The following NBPF3 variants were observed in gnomAD, a reference collection of about 807,000 sequenced individuals.
The protein encoded by NBPF3 is NBPF family member NBPF3.
Under a neutral mutation model 78.1 loss-of-function variants are expected in NBPF3, and 57 were observed. The ratio of observed to expected loss-of-function variants is 0.73; its 90% CI spans 0.59 to 0.91. The LOEUF (loss-of-function observed/expected upper bound fraction) is 0.91. NBPF3 is among the 40% of genes least tolerant of loss of function. The pLI is 0.00. For missense variants in NBPF3, 510 were observed against 715.3 expected (o/e 0.71, Z 3.27); for synonymous variants, 182 against 271.7 (o/e 0.67, Z 3.25).
At chr1:21,481,454 T>G in intron 12 of NBPF3, 143 bp from the exon 13 acceptor site, 3 of 1,086,136 alleles carry the variant, frequency 2.8e-6, no homozygotes, top group Non-Finnish European at 3.9e-6. Flanking sequence ...CCATCCCAAC[T>G]GAGGGCAATA....
In NBPF3 at chr1:21,446,346, G is replaced by T. The variant is rs1640967433; in HGVS notation, c.133+1127G>T. 3 of 152,302 alleles carry T rather than the reference G, an allele frequency of 2.0e-5. No homozygotes were observed. In the South Asian group the frequency reaches 6.2e-4, roughly 32 times the overall value. The allele number at this position is 152,302 out of a possible 1,614,324, so 9.4% of individuals were successfully genotyped here. A position where few individuals can be genotyped will look rare whatever the true frequency, so the allele number is the denominator to read the frequency against. ...GGAAACAGTATATGGTTTTACAGTA[G>T]CGCATCTTTCTCTAATAACTGGTTA... On this transcript the variant is annotated intron_variant, in intron 2 of 14. Transcript: ENST00000318249.
At position 21,445,148 on chromosome 1, in the gene NBPF3, C is replaced by G; in HGVS notation, c.62C>G (p.Thr21Ser). 1.9e-6 allele frequency: 3 copies of G among 1,611,958 alleles called. No homozygotes were observed. The highest frequency in any genetic ancestry group is 2.3e-4 in the Middle Eastern group (1 of 4,430). The change falls in exon 2 of 15, where the codon ACT (threonine) becomes AGT (serine). Residue 21 changes from threonine (T) to serine (S), a missense_variant. Thr to Ser is a moderately conservative substitution (Grantham distance 58, BLOSUM62 1). This residue lies in a region of NBPF3 where 440 missense variants were observed against 478.2 expected (regional missense o/e 0.92). Coordinates refer to ENST00000318249, the MANE Select transcript of NBPF3 (RefSeq NM_032264.6). ...QWTLRGPDVE[T>S]SPFGAPRAAS... ...ACTCTCCGAGGCCCTGATGTAGAAA[C>G]TTCCCCATTCGGTGCACCAAGAGCA...
At position 21,483,145 on chromosome 1, in the gene NBPF3, T is replaced by C. The variant is rs371893142; in HGVS notation, c.1661T>C (p.Leu554Pro). 5.6e-6 allele frequency: 9 copies of C among 1,611,766 alleles called. No homozygotes were observed. The highest frequency in any genetic ancestry group is 1.3e-5 in the African/African-American group (1 of 74,496). Residue 554 changes from leucine to proline, a missense_variant and splice_region_variant, in exon 15 of 15, where the codon CTC (leucine) becomes CCC (proline). This residue lies in a region of NBPF3 where 25 missense variants were observed against 27.3 expected (regional missense o/e 0.92). Transcript: ENST00000318249. Reference protein sequence around the residue: ...EEDQKPPCPRLNEVLMEAEEP... With the variant: ...EEDQKPPCPRPNEVLMEAEEP... Reference sequence around the variant, plus strand: ...TTTAGTTTTGTCTCCTTTTCCAGGCTCAACGAGGTGCTGATGGAAGCAGAA... The same window carrying C: ...TTTAGTTTTGTCTCCTTTTCCAGGCCCAACGAGGTGCTGATGGAAGCAGAA...
upstream of NBPF3, among the ~76,000 whole-genome samples, chr1:21,438,957 G>T (rs992708456): frequency 1.3e-5 from 2 of 152,200 alleles, no homozygotes; most frequent in African/African-American, 4.8e-5. Context: ...GGCAGCACTG[G>T]GGGAGGTGCC....
intron 2 of NBPF3, among the ~76,000 whole-genome samples, chr1:21,447,416 C>T (rs1304451071): frequency 2.6e-5 from 4 of 152,204 alleles, no homozygotes; most frequent in South Asian, 2.1e-4. Flanking sequence ...CCATTTCATG[C>T]GTCCTCCTCT....
At chr1:21,452,935 A>G (rs2147924981) in intron 2 of NBPF3, among the ~76,000 whole-genome samples, 1 of 152,354 alleles carries the variant, frequency 6.6e-6, no homozygotes, top group Middle Eastern at 3.4e-3. Context: ...AGTTGAAAGT[A>G]CAATATCTTG....
At chr1:21,471,874 G>A in intron 5 of NBPF3, 91 bp downstream of exon 5, 1 of 1,537,818 alleles carries the variant, frequency 6.5e-7, no homozygotes, top group African/African-American at 1.4e-5. Flanking sequence ...TTGTATCGGT[G>A]GTGTTTTTTC....
At chr1:21,461,866 TC>T (rs1641968329) in intron 2 of NBPF3, among the ~76,000 whole-genome samples, 1 of 152,162 alleles carries the variant, frequency 6.6e-6, no homozygotes, top group Non-Finnish European at 1.5e-5. Context: ...TTAAATGTGG[TC>T]CCCAGTGTCG....
At chr1:21,474,377 T>C (rs1447237128) in intron 7 of NBPF3, among the ~76,000 whole-genome samples, 1 of 152,196 alleles carries the variant, frequency 6.6e-6, no homozygotes, top group Admixed American at 6.5e-5. Flanking sequence ...CTAATTTTTG[T>C]ATTTTTATTA....
intron 2 of NBPF3, among the ~76,000 whole-genome samples, chr1:21,456,573 A>G (rs976591631): frequency 1.2e-4 from 19 of 152,204 alleles, no homozygotes; most frequent in African/African-American, 4.6e-4. Flanking sequence ...GTAATGTTAT[A>G]TATTATCAGG....
intron 12 of NBPF3, among the ~76,000 whole-genome samples, 156 bp downstream of exon 12, chr1:21,481,137 T>A: frequency 6.7e-6 from 1 of 149,074 alleles, no homozygotes; most frequent in Non-Finnish European, 1.5e-5. Context: ...TTGCAGTAGA[T>A]ATTTAGGTTT....
At chr1:21,472,808 G>A (rs1274192413) in intron 5 of NBPF3, 35 bp from the exon 6 acceptor site, 11 of 1,494,758 alleles carry the variant, frequency 7.4e-6, no homozygotes, top group Non-Finnish European at 9.3e-6. Context: ...AGTGTGAATT[G>A]GGAAATATCT....
At chr1:21,479,245 A>G in intron 9 of NBPF3, 104 bp from the exon 10 acceptor site, 1 of 1,226,394 alleles carries the variant, frequency 8.2e-7, no homozygotes, top group South Asian at 1.2e-5. Context: ...CTATTCTCAC[A>G]CTGAGAAGAC....
Position 21,459,614 on chromosome 1 carries a change from A to AG in NBPF3, c.134-9068dup, listed in dbSNP as rs1641835754. The AG allele has an allele frequency of 4.4e-5, 10 of 227,364 alleles. 1 individual carries two copies. In the South Asian group the frequency reaches 5.9e-4, roughly 13 times the overall value. 14.1% of individuals were successfully genotyped at this position (227,364 alleles called of 1,614,324 possible). ...TGGTATATGTGTGTATGAGAAGGAA[A>AG]GGGGGGCAAAGCTGTGGGGAACGGT... is the stretch of plus-strand genomic sequence containing the variant. On this transcript the variant is annotated intron_variant, in intron 2 of 14. Coordinates refer to ENST00000318249, the MANE Select transcript of NBPF3 (RefSeq NM_032264.6).
chr1:21,439,102 C>T (rs1270312101), upstream of NBPF3, among the ~76,000 whole-genome samples: 3 of 152,080 alleles, frequency 2.0e-5, no homozygotes, highest in Non-Finnish European at 4.4e-5. Flanking sequence ...GGACTTGGCA[C>T]GTGGCTGGCA....
chr1:21,480,551 T>A (rs1208396039), intron 11 of NBPF3, among the ~76,000 whole-genome samples: 2 of 151,558 alleles, frequency 1.3e-5, no homozygotes, highest in African/African-American at 4.8e-5. Flanking sequence ...TCATTCAAAT[T>A]TCAGTGTCTT....
At chr1:21,442,604 C>T (rs920293485) in intron 1 of NBPF3, among the ~76,000 whole-genome samples, 1 of 152,008 alleles carries the variant, frequency 6.6e-6, no homozygotes, top group African/African-American at 2.4e-5. Context: ...AAATCAATGC[C>T]TAACCTAAGA....
intron 2 of NBPF3, among the ~76,000 whole-genome samples, chr1:21,458,554 A>C (rs1456880467): frequency 6.6e-6 from 1 of 152,224 alleles, no homozygotes; most frequent in Non-Finnish European, 1.5e-5. Context: ...GAACAAACAC[A>C]GTATAGCCAC....
At position 21,478,281 on chromosome 1, in the gene NBPF3, A is replaced by G. The variant is rs1454309920; in HGVS notation, c.1130A>G (p.Gln377Arg). ...RSTFHSVEEQQVGLALDIGRH... is the reference protein window; with the variant it reads ...RSTFHSVEEQRVGLALDIGRH... Reference sequence around the variant, plus strand: ...ACCTTTCACTCAGTAGAGGAACAGCAAGTCGGCTTGGCTCTTGACATAGGC... The same window carrying G: ...ACCTTTCACTCAGTAGAGGAACAGCGAGTCGGCTTGGCTCTTGACATAGGC... Residue 377 changes from glutamine (Q) to arginine (R), a missense_variant, in exon 9 of 15, where the codon CAA becomes CGA. Coordinates refer to ENST00000318249, the MANE Select transcript of NBPF3 (RefSeq NM_032264.6). The G allele has an allele frequency of 6.2e-7, 1 of 1,613,988 alleles. No homozygotes were observed. Among genetic ancestry groups the G allele is most frequent in the Non-Finnish European group, 8.5e-7 (1 of 1,180,042 alleles).
Sources: gnomAD v4.1 joint callset for allele counts (sites outside exome capture counted in the v4.1 genomes callset) on GRCh38, gnomAD v4.1.1 for gene constraint, gnomAD v4.1.1 regional missense constraint, MANE v1.5 for transcripts, NCBI Gene and HGNC (gene_info 2026-07-23, HGNC 2026-07-21) for gene names.